PAPSS2: variants seen among roughly 807,000 people sequenced by gnomAD.
PAPSS2 encodes 3'-phosphoadenosine 5'-phosphosulfate synthase 2, also known as bifunctional 3'-phosphoadenosine 5'-phosphosulfate synthase 2.
Under a neutral mutation model 66.5 loss-of-function variants are expected in PAPSS2, and 61 were observed. The observed-to-expected ratio is 0.92, with a 90% CI of 0.75 to 1.14. The LOEUF is 1.14. Among genes scored for constraint, PAPSS2 ranks in the 50% most tolerant of loss-of-function variants. PAPSS2 has a pLI of 0.00. For missense variants in PAPSS2, 708 were observed against 789.6 expected (o/e 0.90, Z 1.24); for synonymous variants, 289 against 287.5 (o/e 1.01, Z -0.05).
At chr10:87,718,031 CTTTTCTTTTTTTTCTT>C (rs1853552283) in intron 7 of PAPSS2, among the ~76,000 whole-genome samples, 1 of 151,416 alleles carries the variant, frequency 6.6e-6, no homozygotes. Context: ...TTTCTTTTTT[CTTTTCTTTTTTTTCTT>C]TTTTCTTTTT....
rs1287370695 is a variant in PAPSS2, at chr10:87,746,947, G to C, written c.*977G>C. The C allele has an allele frequency of 6.6e-6, 1 of 152,168 alleles. No homozygotes were observed. The highest frequency in any genetic ancestry group is 1.5e-5 in the Non-Finnish European group (1 of 68,036). 9.4% of individuals were successfully genotyped at this position (152,168 alleles called of 1,614,324 possible). A position where few individuals can be genotyped will look rare whatever the true frequency, so the allele number is the denominator to read the frequency against. On this transcript the variant is annotated 3_prime_UTR_variant, in exon 13 of 13. Transcript: ENST00000456849. The stretch of plus-strand genomic sequence containing the variant: ...CACATGTATGTGTTTTGTAAGCTGT[G>C]AGCACCGTAACAAAATGTAAATTTG...
At chr10:87,678,651 A>C (rs1784324471) in intron 1 of PAPSS2, among the ~76,000 whole-genome samples, 1 of 152,220 alleles carries the variant, frequency 6.6e-6, no homozygotes, top group African/African-American at 2.4e-5. Flanking sequence ...TCAAAAGAAG[A>C]CATGTAAATG....
chr10:87,745,951 G>A lies in PAPSS2; in HGVS notation c.1841G>A (p.Arg614Lys). ...TGGAAGGTCCTGACAGATTATTACA[G>A]GTCCCTGGAGAAGAACTAAGCCTTT... ...KAWKVLTDYY[R>K]SLEKN Residue 614 changes from arginine (R) to lysine (K), a missense_variant, in exon 13 of 13, where the codon AGG (arginine) becomes AAG (lysine). Physicochemically the swap from Arg to Lys is conservative, Grantham distance 26 (BLOSUM62 2). Coordinates refer to ENST00000456849, the MANE Select transcript of PAPSS2 (RefSeq NM_001015880.2). 6.2e-7 allele frequency: 1 copy of A among 1,614,032 alleles called. No individual in the cohort carries two copies. The highest frequency in any genetic ancestry group is 8.5e-7 in the Non-Finnish European group (1 of 1,179,960).
chr10:87,701,235 TTC>T (rs1853300508), intron 1 of PAPSS2, among the ~76,000 whole-genome samples: 1 of 102,542 alleles, frequency 9.8e-6, no homozygotes, highest in Admixed American at 1.0e-4. Context: ...ATAATTTTCT[TTC>T]TTTTTTCTTT....
intron 7 of PAPSS2, among the ~76,000 whole-genome samples, chr10:87,717,720 G>T (rs1853549128): frequency 6.6e-6 from 1 of 152,022 alleles, no homozygotes; most frequent in Non-Finnish European, 1.5e-5. Context: ...GTACCACCAT[G>T]CCTGGCAGAT....
At chr10:87,674,284 C>T (rs1009912930) in intron 1 of PAPSS2, among the ~76,000 whole-genome samples, 6 of 152,192 alleles carry the variant, frequency 3.9e-5, no homozygotes, top group African/African-American at 1.4e-4. Flanking sequence ...CCTGCCTCAG[C>T]TCTCTGAGTA....
intron 9 of PAPSS2, among the ~76,000 whole-genome samples, chr10:87,733,077 A>T (rs1853749311): frequency 6.6e-6 from 1 of 152,200 alleles, no homozygotes; most frequent in Non-Finnish European, 1.5e-5. Flanking sequence ...ACCCACAAAA[A>T]CACTTTAACA....
chr10:87,732,939 C>G (rs1360651675), intron 9 of PAPSS2, among the ~76,000 whole-genome samples: 1 of 152,110 alleles, frequency 6.6e-6, no homozygotes, highest in African/African-American at 2.4e-5. Context: ...AGCCACTCAC[C>G]CTGCAGACAT....
intron 9 of PAPSS2, among the ~76,000 whole-genome samples, chr10:87,741,013 A>C (rs564294144): frequency 6.6e-6 from 1 of 152,282 alleles, no homozygotes; most frequent in East Asian, 1.9e-4. Context: ...GATAGCTATA[A>C]CCCACAAAAA....
chr10:87,678,478 CA>C (rs1282084507), intron 1 of PAPSS2, among the ~76,000 whole-genome samples: 1 of 151,996 alleles, frequency 6.6e-6, no homozygotes, highest in Admixed American at 6.6e-5. Context: ...TTCTGCACAA[CA>C]AAGGAAACAA....
chr10:87,709,086 T>C, intron 1 of PAPSS2, 110 bp from the exon 2 acceptor site: 1 of 711,348 alleles, frequency 1.4e-6, no homozygotes, highest in South Asian at 1.5e-5. Flanking sequence ...TATAAGTTGT[T>C]ACATGTATCA....
chr10:87,743,632 C>CA lies in PAPSS2; in HGVS notation c.1482_1483insA (p.Pro495ThrfsTer32). On this transcript the variant is annotated frameshift_variant, in exon 11 of 13. Coordinates refer to ENST00000456849, the MANE Select transcript of PAPSS2 (RefSeq NM_001015880.2). LOFTEE classifies it high-confidence loss of function. Reference sequence around the variant, plus strand: ...TTCCGTCTCCCATGTTATATGCTGGCCCCACAGAGGTGAGCAATTCCCAGA... The same window carrying CA: ...TTCCGTCTCCCATGTTATATGCTGGCACCCACAGAGGTGAGCAATTCCCAGA... 6 of 1,614,140 alleles carry CA rather than the reference C, an allele frequency of 3.7e-6. No homozygotes were observed. The highest frequency in any genetic ancestry group is 5.1e-6 in the Non-Finnish European group (6 of 1,180,010).
At chr10:87,728,188 A>G (rs1853683487) in intron 9 of PAPSS2, among the ~76,000 whole-genome samples, 1 of 152,182 alleles carries the variant, frequency 6.6e-6, no homozygotes, top group Non-Finnish European at 1.5e-5. Flanking sequence ...GATTTTATTA[A>G]GTTGCTGGCT....
intron 9 of PAPSS2, among the ~76,000 whole-genome samples, chr10:87,740,131 C>CT (rs1853848946): frequency 1.3e-5 from 2 of 152,072 alleles, no homozygotes; most frequent in Admixed American, 6.5e-5. Context: ...CAAAGGGAAC[C>CT]TGATAATTCA....
At chr10:87,668,821 G>T (rs904959165) in intron 1 of PAPSS2, among the ~76,000 whole-genome samples, 2 of 151,996 alleles carry the variant, frequency 1.3e-5, no homozygotes, top group African/African-American at 4.8e-5. Flanking sequence ...GGCTTGACTG[G>T]GTGGGGATAC....
At chr10:87,733,405 A>G (rs1248602002) in intron 9 of PAPSS2, among the ~76,000 whole-genome samples, 1 of 152,142 alleles carries the variant, frequency 6.6e-6, no homozygotes, top group African/African-American at 2.4e-5. Context: ...GCTCCCAGAG[A>G]TTTGTCAAGT....
chr10:87,728,159 C>T lies in PAPSS2; in HGVS notation c.1086+670C>T, dbSNP rs77913906. On this transcript the variant is annotated intron_variant, in intron 9 of 12. Transcript: ENST00000456849. ...TTCCTTCACAGCTTCTAATTACTGTCGGTGATGGGGTGGGGTGGGATTTTA... is the reference window on the plus strand; with the variant it reads ...TTCCTTCACAGCTTCTAATTACTGTTGGTGATGGGGTGGGGTGGGATTTTA... 4.5e-3 allele frequency among the ~76,000 whole-genome samples: 691 copies of T among 152,066 alleles called. 5 individuals are homozygous for T. Among genetic ancestry groups the T allele is most frequent in the African/African-American group, 0.016 (663 of 41,466 alleles).
intron 10 of PAPSS2, among the ~76,000 whole-genome samples, chr10:87,741,931 TA>T (rs1415621991): frequency 6.6e-6 from 1 of 152,086 alleles, no homozygotes; most frequent in African/African-American, 2.4e-5. Flanking sequence ...CTAATTTTTA[TA>T]TTTTTTTGTA....
chr10:87,705,220 G>A (rs543659924), intron 1 of PAPSS2, among the ~76,000 whole-genome samples: 1 of 152,226 alleles, frequency 6.6e-6, no homozygotes, highest in East Asian at 1.9e-4. Context: ...TCAGCCTAAT[G>A]TTTTCCATTC....
Sources: allele counts gnomAD v4.1 joint callset (sites outside exome capture counted in the v4.1 genomes callset), GRCh38; gene constraint gnomAD v4.1.1; transcripts MANE v1.5; gene names NCBI Gene and HGNC (gene_info 2026-07-23, HGNC 2026-07-21).